HDAC9: variants seen among roughly 807,000 people sequenced by gnomAD.
The protein encoded by HDAC9 is MEF-2 interacting transcription repressor (MITR) protein.
In HDAC9, 41 loss-of-function variants were observed where a neutral mutation model predicts 139.4. The observed-to-expected ratio is 0.29, with a 90% CI of 0.23 to 0.38. HDAC9 has a LOEUF of 0.38. Ranked by LOEUF, HDAC9 falls within the 10% of genes least tolerant of loss-of-function variation. The pLI is 1.00. For synonymous variants in HDAC9, 517 were observed against 476.2 expected (o/e 1.09, Z -1.12); for missense variants, 1,147 against 1,297.0 (o/e 0.88, Z 1.78).
At chr7:18,290,455 A>G (rs1317286699) in exon 1 of HDAC9, 2 of 456,406 alleles carry the variant, frequency 4.4e-6, no homozygotes, top group Non-Finnish European at 8.8e-6. Flanking sequence ...GTTCAGAAGG[A>G]CTGAGCTAGT....
intron 8 of HDAC9, among the ~76,000 whole-genome samples, chr7:18,634,970 A>T (rs1327755374): frequency 1.3e-5 from 2 of 152,114 alleles, no homozygotes; most frequent in Non-Finnish European, 2.9e-5. Flanking sequence ...TGACATAAAT[A>T]AATATCAATT....
At chr7:18,890,004 C>A (rs1330098724) in intron 22 of HDAC9, among the ~76,000 whole-genome samples, 1 of 152,186 alleles carries the variant, frequency 6.6e-6, no homozygotes, top group Non-Finnish European at 1.5e-5. Flanking sequence ...CTGGCCACTG[C>A]CACTTTTCTA....
chr7:18,916,011 ACC>A (rs1433687842), intron 22 of HDAC9, among the ~76,000 whole-genome samples: 88 of 89,914 alleles, frequency 9.8e-4, no homozygotes, highest in African/African-American at 3.7e-3. Flanking sequence ...CCCTCCTCTC[ACC>A]CCCCGCTGGA....
intron 22 of HDAC9, among the ~76,000 whole-genome samples, chr7:18,884,903 T>G (rs1333700011): frequency 6.6e-6 from 1 of 152,218 alleles, no homozygotes; most frequent in Non-Finnish European, 1.5e-5. Context: ...TACTGTTTAA[T>G]ACTCTGTATA....
chr7:18,732,382 TAAAGA>T lies in HDAC9; in HGVS notation c.1909+4630_1909+4634del, dbSNP rs147663265. Among the ~76,000 whole-genome samples the T allele has an allele frequency of 4.0e-5, 6 of 148,458 alleles. No homozygotes were observed. The South Asian group carries it at 6.2e-4, about 15-fold the overall frequency. ...CTCTATAAGCTTCTCTTTAATAGAA[TAAAGA>T]AAAGTGATTTGTATTTGTATACATA... On this transcript the variant is annotated intron_variant, in intron 13 of 25. Coordinates refer to ENST00000686413, the MANE Select transcript of HDAC9 (RefSeq NM_178425.4).
At chr7:18,619,371 T>G (rs1839590516) in intron 6 of HDAC9, among the ~76,000 whole-genome samples, 1 of 152,196 alleles carries the variant, frequency 6.6e-6, no homozygotes, top group South Asian at 2.1e-4. Context: ...CAGGCATGTA[T>G]TATTCATTCA....
intron 11 of HDAC9, among the ~76,000 whole-genome samples, chr7:18,656,776 A>T (rs1455955712): frequency 6.6e-6 from 1 of 152,026 alleles, no homozygotes; most frequent in African/African-American, 2.4e-5. Flanking sequence ...TGATATACTG[A>T]TTTCCTTTCT....
intron 11 of HDAC9, among the ~76,000 whole-genome samples, chr7:18,665,359 T>C (rs1794547390): frequency 6.6e-6 from 1 of 152,136 alleles, no homozygotes; most frequent in South Asian, 2.1e-4. Flanking sequence ...GACAAAATAA[T>C]CTTGAGACTT....
At chr7:18,340,638 A>T (rs1781932942) in intron 1 of HDAC9, among the ~76,000 whole-genome samples, 2 of 151,642 alleles carry the variant, frequency 1.3e-5, no homozygotes, top group Non-Finnish European at 3.0e-5. Context: ...GAATTTTACC[A>T]AAAGTGTGTT....
At chr7:18,304,848 A>C (rs1798806036) in intron 1 of HDAC9, among the ~76,000 whole-genome samples, 1 of 152,160 alleles carries the variant, frequency 6.6e-6, no homozygotes. Flanking sequence ...TAGAACCCTC[A>C]GTGGAAAATG....
intron 2 of HDAC9, among the ~76,000 whole-genome samples, chr7:18,199,579 A>G (rs1475402193): frequency 6.6e-6 from 1 of 151,962 alleles, no homozygotes; most frequent in Non-Finnish European, 1.5e-5. Context: ...TGAGGCCAGG[A>G]GTTTGCGACC....
At chr7:18,815,647 A>G (rs1427193543) in intron 17 of HDAC9, among the ~76,000 whole-genome samples, 1 of 152,212 alleles carries the variant, frequency 6.6e-6, no homozygotes, top group African/African-American at 2.4e-5. Flanking sequence ...AGGCTTCTTA[A>G]GAACTGTTTT....
chr7:18,839,191 A>G (rs2129213570), intron 21 of HDAC9, among the ~76,000 whole-genome samples: 1 of 152,120 alleles, frequency 6.6e-6, no homozygotes, highest in Non-Finnish European at 1.5e-5. Context: ...AATAATTATG[A>G]CTATTTTTAT....
At chr7:18,614,949 A>G (rs926253428) in intron 6 of HDAC9, among the ~76,000 whole-genome samples, 1 of 152,216 alleles carries the variant, frequency 6.6e-6, no homozygotes, top group Non-Finnish European at 1.5e-5. Flanking sequence ...TGGGAAACTC[A>G]AGTAAAGGAG....
intron 1 of HDAC9, among the ~76,000 whole-genome samples, chr7:18,335,481 A>G (rs1047888488): frequency 1.1e-4 from 16 of 151,498 alleles, no homozygotes; most frequent in Non-Finnish European, 1.9e-4. Context: ...TTTTCTTCTT[A>G]TCTTAGTGCA....
chr7:18,313,804 C>A (rs1347898857), intron 1 of HDAC9, among the ~76,000 whole-genome samples: 1 of 152,094 alleles, frequency 6.6e-6, no homozygotes, highest in Non-Finnish European at 1.5e-5. Context: ...AATACACTGC[C>A]TCAATTTATC....
At chr7:18,087,598 G>A (rs899994914) in intron 1 of HDAC9, among the ~76,000 whole-genome samples, 1 of 152,064 alleles carries the variant, frequency 6.6e-6, no homozygotes, top group East Asian at 1.9e-4. Flanking sequence ...CTTATTGGGG[G>A]GTACCTTTGA....
chr7:18,827,570 T>C (rs1795548076), intron 17 of HDAC9, among the ~76,000 whole-genome samples: 1 of 152,202 alleles, frequency 6.6e-6, no homozygotes, highest in South Asian at 2.1e-4. Flanking sequence ...GGTTCTAAGC[T>C]ATGTTCATTT....
At chr7:18,532,441 T>G (rs1809344299) in intron 2 of HDAC9, among the ~76,000 whole-genome samples, 1 of 152,176 alleles carries the variant, frequency 6.6e-6, no homozygotes, top group Non-Finnish European at 1.5e-5. Flanking sequence ...GGAAGAGAAG[T>G]GGTCTAATTA....
Sources: gnomAD v4.1 joint callset for allele counts (sites outside exome capture counted in the v4.1 genomes callset) on GRCh38, gnomAD v4.1.1 for gene constraint, MANE v1.5 for transcripts, NCBI Gene and HGNC (gene_info 2026-07-23, HGNC 2026-07-21) for gene names.